The following GRM8 variants were observed in gnomAD, a reference collection of about 807,000 sequenced individuals.
The protein encoded by GRM8 is metabotropic glutamate receptor 8.
A neutral mutation model predicts 87.2 loss-of-function variants in GRM8; 47 were observed. The ratio of observed to expected loss-of-function variants is 0.54; its 90% CI spans 0.43 to 0.69. GRM8 has a LOEUF of 0.69. Among genes scored for constraint, GRM8 ranks in the 30% least tolerant of loss-of-function variants. The probability of loss-of-function intolerance (pLI) is 0.00; values close to 1 mark genes in which losing one functional copy is unlikely to be tolerated. For missense variants in GRM8, 1,019 were observed against 1,139.2 expected (o/e 0.89, Z 1.52); for synonymous variants, 396 against 404.5 (o/e 0.98, Z 0.25).
intron 3 of GRM8, chr7:127,084,835 T>G (rs921775379): frequency 6.6e-6 from 1 of 152,154 alleles, no homozygotes; most frequent in Non-Finnish European, 1.5e-5. Context: ...TTTAAATACT[T>G]TAAGTTCTAG....
chr7:126,932,018 A>G (rs995613959), intron 3 of GRM8, among the ~76,000 whole-genome samples: 2 of 152,194 alleles, frequency 1.3e-5, no homozygotes, highest in Admixed American at 1.3e-4. Context: ...TCTTTAATTT[A>G]TCCTGTAAAT....
At chr7:127,208,028 C>T (rs970261357) in intron 2 of GRM8, among the ~76,000 whole-genome samples, 2 of 152,140 alleles carry the variant, frequency 1.3e-5, no homozygotes, top group Non-Finnish European at 1.5e-5. Flanking sequence ...CCGGCCGATT[C>T]CACAAGCCAT....
At chr7:126,858,659 T>C (rs1173089887) in intron 6 of GRM8, among the ~76,000 whole-genome samples, 1 of 152,140 alleles carries the variant, frequency 6.6e-6, no homozygotes, top group Non-Finnish European at 1.5e-5. Flanking sequence ...AAGTTATGTT[T>C]CCACTGTTCT....
intron 6 of GRM8, among the ~76,000 whole-genome samples, chr7:126,893,340 C>A: frequency 6.6e-6 from 1 of 151,924 alleles, no homozygotes; most frequent in South Asian, 2.1e-4. Context: ...GAATCATATT[C>A]CCATTTAAAT....
chr7:127,174,041 T>C (rs1237058792), intron 2 of GRM8, among the ~76,000 whole-genome samples: 1 of 152,156 alleles, frequency 6.6e-6, no homozygotes, highest in Non-Finnish European at 1.5e-5. Context: ...CAGGTGGGAA[T>C]GAACACCAGA....
At chr7:126,800,893 T>C (rs1008931393) in intron 6 of GRM8, among the ~76,000 whole-genome samples, 6 of 152,144 alleles carry the variant, frequency 3.9e-5, no homozygotes, top group Admixed American at 1.3e-4. Context: ...CATGTATTAT[T>C]AGTACTATTA....
intron 2 of GRM8, among the ~76,000 whole-genome samples, chr7:127,140,620 G>A (rs1288759188): frequency 6.6e-6 from 1 of 152,096 alleles, no homozygotes; most frequent in Non-Finnish European, 1.5e-5. Flanking sequence ...CCAGGGCCCT[G>A]ACTGATTTCC....
At chr7:126,703,191 G>A (rs1323559220) in intron 7 of GRM8, among the ~76,000 whole-genome samples, 2 of 152,198 alleles carry the variant, frequency 1.3e-5, no homozygotes, top group African/African-American at 4.8e-5. Flanking sequence ...AAAGCAGGAA[G>A]ATTAGTATAG....
chr7:126,570,364 C>T (rs1794593363), intron 8 of GRM8, among the ~76,000 whole-genome samples: 1 of 152,194 alleles, frequency 6.6e-6, no homozygotes, highest in Admixed American at 6.6e-5. Flanking sequence ...TCCTAGACAT[C>T]TGTCAGGTAG....
At chr7:127,163,296 C>A (rs919442092) in intron 2 of GRM8, among the ~76,000 whole-genome samples, 1 of 152,126 alleles carries the variant, frequency 6.6e-6, no homozygotes, top group Non-Finnish European at 1.5e-5. Flanking sequence ...TTAATCAGTG[C>A]AAAGGACTTG....
intron 3 of GRM8, among the ~76,000 whole-genome samples, chr7:127,015,255 A>AGAAGAG (rs1563414650): frequency 8.0e-6 from 1 of 125,130 alleles, no homozygotes; most frequent in Non-Finnish European, 1.7e-5. Flanking sequence ...AAGAAGAAGA[A>AGAAGAG]GAAGAAAAGA....
At position 126,533,905 on chromosome 7, in the gene GRM8, T is replaced by G; in HGVS notation, c.1495-18A>C. ...TCTTCCACCTGTGGGTATAAAAAAT[T>G]AATGAGCCTTCCATTTTTCCCCCAT... On this transcript the variant is annotated intron_variant, in intron 8 of 10. Coordinates refer to ENST00000339582, the MANE Select transcript of GRM8 (RefSeq NM_000845.3). 1.3e-6 allele frequency: 2 copies of G among 1,560,274 alleles called. No individual in the cohort carries two copies. The highest frequency in any genetic ancestry group is 1.8e-6 in the Non-Finnish European group (2 of 1,141,670).
At chr7:126,689,181 G>A (rs1348815811) in intron 7 of GRM8, among the ~76,000 whole-genome samples, 3 of 152,086 alleles carry the variant, frequency 2.0e-5, no homozygotes, top group African/African-American at 7.2e-5. Context: ...CTCTGTGGGA[G>A]GCCAAGAGGC....
chr7:126,781,621 G>A (rs989587592), intron 6 of GRM8, among the ~76,000 whole-genome samples: 5 of 152,032 alleles, frequency 3.3e-5, no homozygotes, highest in Admixed American at 2.0e-4. Flanking sequence ...GTATTATCAC[G>A]GGAACACATG....
chr7:127,085,433 T>C (rs747930462), intron 3 of GRM8, among the ~76,000 whole-genome samples: 31 of 152,346 alleles, frequency 2.0e-4, no homozygotes, highest in Non-Finnish European at 3.2e-4. Context: ...CCACCAACAG[T>C]GTAAAGGCAT....
chr7:127,226,387 G>A (rs955320237), intron 2 of GRM8, among the ~76,000 whole-genome samples: 1 of 152,082 alleles, frequency 6.6e-6, no homozygotes, highest in Admixed American at 6.6e-5. Context: ...TTTTTTCCCA[G>A]GAAATCTACT....
chr7:126,712,832 A>T (rs1811254449), intron 7 of GRM8, among the ~76,000 whole-genome samples: 1 of 152,102 alleles, frequency 6.6e-6, no homozygotes, highest in African/African-American at 2.4e-5. Context: ...GCTAAGAAAC[A>T]TGTGGGAAAA....
intron 1 of GRM8, among the ~76,000 whole-genome samples, chr7:127,243,953 A>G (rs536740933): frequency 1.3e-5 from 2 of 152,052 alleles, no homozygotes; most frequent in Non-Finnish European, 2.9e-5. Context: ...TCATCTGTTA[A>G]TGACTTTTTT....
At chr7:127,148,855 C>A (rs978428263) in intron 2 of GRM8, among the ~76,000 whole-genome samples, 1 of 152,102 alleles carries the variant, frequency 6.6e-6, no homozygotes, top group Non-Finnish European at 1.5e-5. Context: ...GAGTCTTCAA[C>A]AAATGGTGCA....
Sources: allele counts gnomAD v4.1 joint callset (sites outside exome capture counted in the v4.1 genomes callset), GRCh38; gene constraint gnomAD v4.1.1; transcripts MANE v1.5; gene names NCBI Gene and HGNC (gene_info 2026-07-23, HGNC 2026-07-21).